The following FBXL2 variants were observed in gnomAD, a reference collection of about 807,000 sequenced individuals.
FBXL2 encodes the protein F-box/LRR-repeat protein 2.
FBXL2 carries 38 observed loss-of-function variants against 69.2 expected under a neutral mutation model. The ratio of observed to expected loss-of-function variants is 0.55; its 90% CI spans 0.42 to 0.72. The LOEUF (loss-of-function observed/expected upper bound fraction) is 0.72, where lower values mean the gene tolerates loss of function less well. Among genes scored for constraint, FBXL2 ranks in the 30% least tolerant of loss-of-function variants. FBXL2 has a pLI of 0.00. For synonymous variants in FBXL2, 192 were observed against 201.3 expected (o/e 0.95, Z 0.39); for missense variants, 354 against 520.3 (o/e 0.68, Z 3.11).
rs955502422 is a variant in FBXL2, at chr3:33,385,607, G to A, written c.1271G>A (p.Ter424=). 6.2e-7 allele frequency: 1 copy of A among 1,613,206 alleles called. No individual in the cohort carries two copies. Among genetic ancestry groups the A allele is most frequent in the African/African-American group, 1.3e-5 (1 of 74,952 alleles). Residue 424 remains the stop codon, a stop_retained_variant, in exon 15 of 15, where the codon TGA becomes TAA. Coordinates refer to ENST00000484457, the MANE Select transcript of FBXL2 (RefSeq NM_012157.5). ...QRLCRCCVIL[*] The stretch of plus-strand genomic sequence containing the variant: ...CTGTGCAGGTGCTGTGTCATTCTCT[G>A]ACAGCAGCTGCCTGGGCCCAAGGGG...
intron 5 of FBXL2, among the ~76,000 whole-genome samples, chr3:33,371,166 A>G (rs894239900): frequency 2.3e-5 from 3 of 130,722 alleles, no homozygotes; most frequent in African/African-American, 8.5e-5. Context: ...TGTGGTTTTC[A>G]TTTTTTTTTT....
chr3:33,281,256 C>T (rs942277385), intron 1 of FBXL2, among the ~76,000 whole-genome samples: 1 of 151,964 alleles, frequency 6.6e-6, no homozygotes, highest in Non-Finnish European at 1.5e-5. Context: ...CAAGTGTTCT[C>T]ATTGTTCAAT....
chr3:33,305,587 G>C (rs1329690098), intron 2 of FBXL2, among the ~76,000 whole-genome samples: 3 of 151,736 alleles, frequency 2.0e-5, no homozygotes, highest in Admixed American at 6.6e-5. Context: ...TGAGCAGTAT[G>C]CACGTGTTTT....
chr3:33,404,097 C>G (rs1236682359), downstream of FBXL2, among the ~76,000 whole-genome samples: 1 of 151,998 alleles, frequency 6.6e-6, no homozygotes, highest in Non-Finnish European at 1.5e-5. Flanking sequence ...CCTGTTTCTA[C>G]CAAAAAATAA....
At chr3:33,298,745 T>G (rs2035980942) in intron 2 of FBXL2, among the ~76,000 whole-genome samples, 1 of 150,924 alleles carries the variant, frequency 6.6e-6, no homozygotes, top group African/African-American at 2.4e-5. Context: ...GATGTTGTTA[T>G]ATTTTAATTC....
the FBXL2 span, among the ~76,000 whole-genome samples, chr3:33,421,062 A>G: frequency 6.6e-6 from 1 of 152,232 alleles, no homozygotes; most frequent in Non-Finnish European, 1.5e-5. Flanking sequence ...CAGAAGTCTC[A>G]CTCATATTTA....
intron 12 of FBXL2, chr3:33,393,378 A>G: frequency 1.9e-6 from 3 of 1,613,572 alleles, no homozygotes; most frequent in Non-Finnish European, 2.5e-6. Context: ...TTTGGTGGAG[A>G]GGGATATTAA....
At chr3:33,326,584 T>G (rs1206992779) in intron 2 of FBXL2, among the ~76,000 whole-genome samples, 8 of 152,086 alleles carry the variant, frequency 5.3e-5, no homozygotes, top group African/African-American at 1.7e-4. Context: ...ACTATTAAAC[T>G]AATACAGTGA....
At position 33,351,962 on chromosome 3, in the gene FBXL2, TAA is replaced by T. The variant is rs56082631; in HGVS notation, c.66-6987_66-6986del. Reference sequence around the variant, plus strand: ...GCAACATAGTGGGACCCCCATCACTTAAAAAAAAAAAAAAAAAAAGTTAATAT... The same window carrying T: ...GCAACATAGTGGGACCCCCATCACTTAAAAAAAAAAAAAAAAAGTTAATAT... On this transcript the variant is annotated intron_variant, in intron 2 of 14. Transcript: ENST00000484457. Among the ~76,000 whole-genome samples, 190 of 111,992 alleles carry T rather than the reference TAA, an allele frequency of 1.7e-3. 1 individual carries two copies. The highest frequency in any genetic ancestry group is 4.0e-3 in the African/African-American group (126 of 31,386). The allele number at this position is 111,992 out of a possible 152,430, so 73.5% of individuals were successfully genotyped here.
At chr3:33,303,656 T>G (rs2036478544) in intron 2 of FBXL2, among the ~76,000 whole-genome samples, 1 of 152,130 alleles carries the variant, frequency 6.6e-6, no homozygotes, top group Non-Finnish European at 1.5e-5. Flanking sequence ...TTTGACTGTA[T>G]GAATCGTGAA....
At position 33,373,255 on chromosome 3, in the gene FBXL2, T is replaced by C. The variant is rs1407557075; in HGVS notation, c.360-5T>C. The C allele has an allele frequency of 6.2e-7, 1 of 1,614,010 alleles. No homozygotes were observed. The highest frequency in any genetic ancestry group is 8.5e-7 in the Non-Finnish European group (1 of 1,179,962). ...AATATCTTTAGTGCGTCTGCTCTTT[T>C]TCAGCACGTGTTATAGCCTTAGCAG... On this transcript the variant is annotated splice_polypyrimidine_tract_variant and splice_region_variant and intron_variant, in intron 6 of 14. Coordinates refer to ENST00000484457, the MANE Select transcript of FBXL2 (RefSeq NM_012157.5).
chr3:33,400,014 A>C (rs1365908751), intron 12 of FBXL2, among the ~76,000 whole-genome samples: 3 of 152,264 alleles, frequency 2.0e-5, no homozygotes, highest in African/African-American at 7.2e-5. Flanking sequence ...ATAGCATATA[A>C]TAAAAATACA....
chr3:33,356,262 TAG>T (rs1420107351), intron 2 of FBXL2, among the ~76,000 whole-genome samples: 1 of 152,164 alleles, frequency 6.6e-6, no homozygotes, highest in Non-Finnish European at 1.5e-5. Context: ...AAAATTAATC[TAG>T]AGAGTTTATT....
intron 2 of FBXL2, among the ~76,000 whole-genome samples, chr3:33,314,024 A>G (rs1039167661): frequency 1.3e-5 from 2 of 152,122 alleles, no homozygotes; most frequent in South Asian, 4.1e-4. Flanking sequence ...TAAAACTCTG[A>G]TGATGATCTA....
In FBXL2 at chr3:33,354,056, T is replaced by G. The variant is rs78649711; in HGVS notation, c.66-4911T>G. The stretch of plus-strand genomic sequence containing the variant: ...TAACTATATAATACAGAGTGAACTT[T>G]GTTGTAAACTATAGACCTTAGTTAA... On this transcript the variant is annotated intron_variant, in intron 2 of 14. Coordinates refer to ENST00000484457, the MANE Select transcript of FBXL2 (RefSeq NM_012157.5). 4.5e-3 allele frequency among the ~76,000 whole-genome samples: 690 copies of G among 152,360 alleles called. 3 individuals carry two copies. The highest frequency in any genetic ancestry group is 0.016 in the African/African-American group (645 of 41,590).
chr3:33,385,692 C>T lies in FBXL2; in HGVS notation c.*84C>T, dbSNP rs2043387401. 1.9e-6 allele frequency: 2 copies of T among 1,062,916 alleles called. No individual in the cohort carries two copies. The highest frequency in any genetic ancestry group is 3.7e-5 in the Admixed American group (2 of 54,128). The allele number at this position is 1,062,916 out of a possible 1,614,324, so 65.8% of individuals were successfully genotyped here. A position where few individuals can be genotyped will look rare whatever the true frequency, so the allele number is the denominator to read the frequency against. ...CTTCCTGACCGACTCCACCATCACCCAATCTGTTGATTCTCCATTGGGAAA... is the reference window on the plus strand; with the variant it reads ...CTTCCTGACCGACTCCACCATCACCTAATCTGTTGATTCTCCATTGGGAAA... On this transcript the variant is annotated 3_prime_UTR_variant, in exon 15 of 15. Coordinates refer to ENST00000484457, the MANE Select transcript of FBXL2 (RefSeq NM_012157.5).
intron 5 of FBXL2, among the ~76,000 whole-genome samples, chr3:33,370,352 A>T (rs1423108219): frequency 6.6e-6 from 1 of 150,382 alleles, no homozygotes; most frequent in African/African-American, 2.5e-5. Context: ...CGGGAGGCGG[A>T]GCTTGCAGTG....
downstream of FBXL2, among the ~76,000 whole-genome samples, chr3:33,407,407 T>TC (rs901216588): frequency 6.6e-6 from 1 of 151,490 alleles, no homozygotes; most frequent in Non-Finnish European, 1.5e-5. Flanking sequence ...GTTGCCAGAA[T>TC]CCCCCCCAAA....
intron 14 of FBXL2, 30 bp downstream of exon 14, chr3:33,384,231 C>T (rs200570317): frequency 1.3e-6 from 2 of 1,595,264 alleles, no homozygotes; most frequent in Non-Finnish European, 1.7e-6. Flanking sequence ...GTCAGTCACA[C>T]CTGACATTTC....
Sources: allele counts gnomAD v4.1 joint callset (sites outside exome capture counted in the v4.1 genomes callset), GRCh38; gene constraint gnomAD v4.1.1; transcripts MANE v1.5; gene names NCBI Gene and HGNC (gene_info 2026-07-23, HGNC 2026-07-21).